The following FOXK1 variants were observed in gnomAD, a reference collection of about 807,000 sequenced individuals.
FOXK1 encodes forkhead box protein K1.
FOXK1 carries 19 observed loss-of-function variants against 51.9 expected under a neutral mutation model. That is an observed-to-expected ratio of 0.37 (90% CI 0.26 to 0.54). The LOEUF (loss-of-function observed/expected upper bound fraction) is 0.54, where lower values mean the gene tolerates loss of function less well. Ranked by LOEUF, FOXK1 falls within the 20% of genes least tolerant of loss-of-function variation. The probability of loss-of-function intolerance (pLI) is 0.87; values close to 1 mark genes in which losing one functional copy is unlikely to be tolerated. For synonymous variants in FOXK1, 537 were observed against 482.6 expected, an observed-to-expected ratio of 1.11 and a Z score of -1.48; for missense variants, 870 against 1,032.7, an observed-to-expected ratio of 0.84 and a Z score of 2.16.
chr7:4,728,607 C>A (rs1780410370), intron 1 of FOXK1, among the ~76,000 whole-genome samples: 1 of 151,954 alleles, frequency 6.6e-6, no homozygotes, highest in Admixed American at 6.6e-5. Context: ...GAACCTGCTA[C>A]CAGCTAGGCG....
intron 1 of FOXK1, among the ~76,000 whole-genome samples, chr7:4,706,281 G>T (rs1364385810): frequency 6.6e-6 from 1 of 152,026 alleles, no homozygotes; most frequent in Non-Finnish European, 1.5e-5. Context: ...AATCACAACT[G>T]GTTAGGGGCT....
chr7:4,741,795 A>G lies in FOXK1; in HGVS notation c.746+772A>G, dbSNP rs750822272. ...CATGTTATACAATGATGAGCCCCTG[A>G]GTAGGGGTTGCAGGTGAAAAGTATA... On this transcript the variant is annotated intron_variant, in intron 2 of 8. Transcript: ENST00000328914. 1.6e-4 allele frequency among the ~76,000 whole-genome samples: 25 copies of G among 152,174 alleles called. 1 individual carries two copies. The highest frequency in any genetic ancestry group is 5.9e-5 in the Non-Finnish European group (4 of 68,042).
intron 1 of FOXK1, among the ~76,000 whole-genome samples, chr7:4,721,952 T>C (rs1300597747): frequency 6.6e-6 from 1 of 152,240 alleles, no homozygotes; most frequent in African/African-American, 2.4e-5. Flanking sequence ...TGTAAATGCA[T>C]CCCTTTCTCG....
chr7:4,682,404 C>T lies in FOXK1; in HGVS notation c.96C>T (p.Ala32=). Residue 32 remains alanine (A), a synonymous_variant, in exon 1 of 9, where the codon GCC becomes GCT. Transcript: ENST00000328914. The surrounding 1 kb of genome is among the most constrained non-coding windows in gnomAD (Gnocchi z 7.6). ...TGCTGTGCGCCGCAGCCGCCGCCGC[C>T]GCCTTCCCCGCGGCCGCACCCCCGC... is the stretch of plus-strand genomic sequence containing the variant. ...SPVLCAAAAA[A]AFPAAAPPPA... 1 of 981,400 alleles carries T rather than the reference C, an allele frequency of 1.0e-6. No homozygotes were observed. The highest frequency in any genetic ancestry group is 1.8e-5 in the African/African-American group (1 of 56,760). The allele number at this position is 981,400 out of a possible 1,614,324, so 60.8% of individuals were successfully genotyped here. A position where few individuals can be genotyped will look rare whatever the true frequency, so the allele number is the denominator to read the frequency against.
chr7:4,702,302 C>G (rs368374329), intron 1 of FOXK1, among the ~76,000 whole-genome samples: 1 of 152,038 alleles, frequency 6.6e-6, no homozygotes, highest in Non-Finnish European at 1.5e-5. Flanking sequence ...CACATACACA[C>G]GTAGACATCT....
At position 4,706,064 on chromosome 7, in the gene FOXK1, G is replaced by GTATATATATATGTATATATA. The variant is rs1562373287; in HGVS notation, c.560+23197_560+23198insATATATATATGTATATATAT. On this transcript the variant is annotated intron_variant, in intron 1 of 8. Coordinates refer to ENST00000328914, the MANE Select transcript of FOXK1 (RefSeq NM_001037165.2). ...TATACGTGTATATATGTATATATAT[G>GTATATATATATGTATATATA]TGTATATATGTATATATGCAATCCA... 5.5e-4 allele frequency among the ~76,000 whole-genome samples: 61 copies of GTATATATATATGTATATATA among 110,686 alleles called. 4 individuals are homozygous for GTATATATATATGTATATATA. Among genetic ancestry groups the GTATATATATATGTATATATA allele is most frequent in the African/African-American group, 2.4e-3 (27 of 11,346 alleles). The allele number at this position is 110,686 out of a possible 152,430, so 72.6% of individuals were successfully genotyped here.
chr7:4,706,702 T>C (rs929641500), intron 1 of FOXK1, among the ~76,000 whole-genome samples: 2 of 152,128 alleles, frequency 1.3e-5, no homozygotes, highest in Non-Finnish European at 2.9e-5. Flanking sequence ...GTAAAGGAGG[T>C]CTTCATCATC....
intron 1 of FOXK1, among the ~76,000 whole-genome samples, chr7:4,714,592 G>A (rs574848191): frequency 6.6e-6 from 1 of 152,320 alleles, no homozygotes; most frequent in African/African-American, 2.4e-5. Context: ...CACTTTGAAA[G>A]GAAAAGTTTA....
At chr7:4,692,417 C>CG (rs1288207038) in intron 1 of FOXK1, among the ~76,000 whole-genome samples, 1 of 152,172 alleles carries the variant, frequency 6.6e-6, no homozygotes, top group Non-Finnish European at 1.5e-5. Flanking sequence ...TGTTTTGAGA[C>CG]GGAGTTTTGC....
At chr7:4,719,956 CCT>C (rs1780288175) in intron 1 of FOXK1, among the ~76,000 whole-genome samples, 1 of 152,116 alleles carries the variant, frequency 6.6e-6, no homozygotes, top group African/African-American at 2.4e-5. Context: ...ACCTCTTTAT[CCT>C]CTCATTGGAC....
chr7:4,759,178 G>C lies in FOXK1; in HGVS notation c.1372G>C (p.Ala458Pro), dbSNP rs758959330. The stretch of plus-strand genomic sequence containing the variant: ...CGACCCTGAGTTTGGGTCCAAGTTA[G>C]CTTCTGTCCCAGAGTACCGGTATTC... Reference protein sequence around the residue: ...PHDPEFGSKLASVPEYRYSQS... With the variant: ...PHDPEFGSKLPSVPEYRYSQS... The change falls in exon 6 of 9, where the codon GCT (alanine) becomes CCT (proline). Residue 458 changes from alanine to proline, a missense_variant. Coordinates refer to ENST00000328914, the MANE Select transcript of FOXK1 (RefSeq NM_001037165.2). 1.2e-6 allele frequency: 2 copies of C among 1,612,828 alleles called. No individual in the cohort carries two copies. Among genetic ancestry groups the C allele is most frequent in the East Asian group, 2.2e-5 (1 of 44,866 alleles).
At chr7:4,744,478 C>T (rs564124252) in intron 2 of FOXK1, among the ~76,000 whole-genome samples, 1 of 152,338 alleles carries the variant, frequency 6.6e-6, no homozygotes, top group Admixed American at 6.5e-5. Context: ...ACTGTTCAGC[C>T]ACTGCTTGTA....
chr7:4,709,201 C>T lies in FOXK1; in HGVS notation c.560+26333C>T, dbSNP rs540538687. ...GGGGGCCCGAGGCCCCAGGATACCCCCGTGCCTTACCCACGCTATTTGCTG... is the reference window on the plus strand; with the variant it reads ...GGGGGCCCGAGGCCCCAGGATACCCTCGTGCCTTACCCACGCTATTTGCTG... On this transcript the variant is annotated intron_variant, in intron 1 of 8. Transcript: ENST00000328914. This position sits in a 1 kb window ranked among gnomAD's most constrained non-coding sequence, Gnocchi z 5.6. 1.1e-4 allele frequency among the ~76,000 whole-genome samples: 16 copies of T among 152,308 alleles called. No homozygotes were observed. In the South Asian group the frequency reaches 3.3e-3, roughly 32 times the overall value.
chr7:4,736,704 G>A (rs1199594806), intron 1 of FOXK1, among the ~76,000 whole-genome samples: 1 of 152,174 alleles, frequency 6.6e-6, no homozygotes, highest in Admixed American at 6.6e-5. Flanking sequence ...CTGAGCCTCC[G>A]TGCCCAGCCC....
rs776839027 is a variant in FOXK1, at chr7:4,741,032, C to T, written c.746+9C>T. 2.0e-5 allele frequency: 30 copies of T among 1,496,422 alleles called. No individual in the cohort carries two copies. Among genetic ancestry groups the T allele is most frequent in the East Asian group, 2.7e-5 (1 of 37,294 alleles). The allele number at this position is 1,496,422 out of a possible 1,614,324, so 92.7% of individuals were successfully genotyped here. On this transcript the variant is annotated intron_variant, in intron 2 of 8. Coordinates refer to ENST00000328914, the MANE Select transcript of FOXK1 (RefSeq NM_001037165.2). ...CCGACGGGCACCATCAGGTGAGTAG[C>T]CCCCCAGCCTGCCCTTGGGCCCCCA...
chr7:4,729,792 C>A lies in FOXK1; in HGVS notation c.561-11046C>A, dbSNP rs1780426894. 6.6e-6 allele frequency among the ~76,000 whole-genome samples: 1 copy of A among 152,152 alleles called. No homozygotes were observed. Among genetic ancestry groups the A allele is most frequent in the African/African-American group, 2.4e-5 (1 of 41,440 alleles). On this transcript the variant is annotated intron_variant, in intron 1 of 8. Coordinates refer to ENST00000328914, the MANE Select transcript of FOXK1 (RefSeq NM_001037165.2). This position sits in a 1 kb window ranked among gnomAD's most constrained non-coding sequence, Gnocchi z 6.2. ...ATCACCTGAGCTCAGGAGTTTGAGA[C>A]CAGCCTGGCCAACATGGTGAAACCC...
At chr7:4,750,189 G>T (rs982592651) in intron 2 of FOXK1, among the ~76,000 whole-genome samples, 3 of 152,140 alleles carry the variant, frequency 2.0e-5, no homozygotes, top group African/African-American at 7.2e-5. Flanking sequence ...GCCTCCAATC[G>T]GGGGGCACAG....
At chr7:4,705,942 A>T (rs987458394) in intron 1 of FOXK1, among the ~76,000 whole-genome samples, 1 of 142,562 alleles carries the variant, frequency 7.0e-6, no homozygotes, top group Non-Finnish European at 1.5e-5. Context: ...TCCAACTTTC[A>T]AAATTATATA....
rs1174077384 is a variant in FOXK1, at chr7:4,756,962, G to A, written c.1051-32G>A. ...GGTGGGACTCATTTTCTGATTTGCTGGTGATGGGTGAATATCTCTGCTTCC... is the reference window on the plus strand; with the variant it reads ...GGTGGGACTCATTTTCTGATTTGCTAGTGATGGGTGAATATCTCTGCTTCC... On this transcript the variant is annotated intron_variant, in intron 4 of 8. Transcript: ENST00000328914. This position sits in a 1 kb window ranked among gnomAD's most constrained non-coding sequence, Gnocchi z 4.1. 1.2e-6 allele frequency: 2 copies of A among 1,605,784 alleles called. No homozygotes were observed. The highest frequency in any genetic ancestry group is 1.7e-6 in the Non-Finnish European group (2 of 1,176,512).
Sources: gnomAD v4.1 joint callset for allele counts (sites outside exome capture counted in the v4.1 genomes callset) on GRCh38, gnomAD v4.1.1 for gene constraint, Gnocchi (gnomAD v3.1) non-coding constraint, MANE v1.5 for transcripts, NCBI Gene and HGNC (gene_info 2026-07-23, HGNC 2026-07-21) for gene names.